The following MPPED2 variants were observed in gnomAD, a reference collection of about 807,000 sequenced individuals.
MPPED2 encodes the protein metallophosphoesterase MPPED2.
MPPED2 carries 5 observed loss-of-function variants against 33.0 expected under a neutral mutation model. The observed-to-expected ratio is 0.15, with a 90% CI of 0.08 to 0.32. The LOEUF (loss-of-function observed/expected upper bound fraction) is 0.32, where lower values mean the gene tolerates loss of function less well. Among genes scored for constraint, MPPED2 ranks in the 10% least tolerant of loss-of-function variants. The probability of loss-of-function intolerance (pLI) is 1.00; values close to 1 mark genes in which losing one functional copy is unlikely to be tolerated. For synonymous variants in MPPED2, 136 were observed against 141.9 expected, an observed-to-expected ratio of 0.96 and a Z score of 0.29; for missense variants, 275 against 372.1, an observed-to-expected ratio of 0.74 and a Z score of 2.15.
chr11:30,548,780 A>G (rs1409832818), intron 2 of MPPED2, among the ~76,000 whole-genome samples: 2 of 152,206 alleles, frequency 1.3e-5, no homozygotes, highest in Admixed American at 1.3e-4. Flanking sequence ...AGGATCAACA[A>G]AGGTGAGTCA....
intron 4 of MPPED2, among the ~76,000 whole-genome samples, chr11:30,424,232 G>A (rs889762302): frequency 6.6e-6 from 1 of 152,068 alleles, no homozygotes; most frequent in Non-Finnish European, 1.5e-5. Flanking sequence ...TATAATAGGG[G>A]GTGAAGAGAG....
At chr11:30,413,397 G>C (rs1320645699) in intron 6 of MPPED2, among the ~76,000 whole-genome samples, 1 of 152,170 alleles carries the variant, frequency 6.6e-6, no homozygotes, top group African/African-American at 2.4e-5. Context: ...AAATCTGCTA[G>C]GGACAGAAAT....
chr11:30,507,980 T>C (rs759030597), intron 3 of MPPED2, among the ~76,000 whole-genome samples: 42 of 152,166 alleles, frequency 2.8e-4, no homozygotes, highest in Non-Finnish European at 4.3e-4. Context: ...TTTTCATTCC[T>C]TACTCATGGG....
At chr11:30,491,698 T>C (rs1951989378) in intron 4 of MPPED2, among the ~76,000 whole-genome samples, 1 of 152,190 alleles carries the variant, frequency 6.6e-6, no homozygotes, top group Non-Finnish European at 1.5e-5. Flanking sequence ...GTGGTAAAGA[T>C]GGCAAATACT....
intron 5 of MPPED2, among the ~76,000 whole-genome samples, chr11:30,414,831 C>T (rs1948271540): frequency 1.3e-5 from 2 of 152,176 alleles, no homozygotes; most frequent in South Asian, 2.1e-4. Flanking sequence ...CTTGTGGTTC[C>T]GGATGACCAA....
chr11:30,436,050 C>CTTTTTTTTTTTTT (rs71060449), intron 4 of MPPED2, among the ~76,000 whole-genome samples: 1 of 108,460 alleles, frequency 9.2e-6, no homozygotes, highest in Non-Finnish European at 1.8e-5. Flanking sequence ...AGTTTAGCAT[C>CTTTTTTTTTTTTT]TTTTTTTTTT....
At chr11:30,421,961 AAGC>A (rs1223337604) in intron 4 of MPPED2, among the ~76,000 whole-genome samples, 4 of 152,158 alleles carry the variant, frequency 2.6e-5, no homozygotes, top group Non-Finnish European at 5.9e-5. Flanking sequence ...GCAATGGAAA[AAGC>A]AGCCCACTGA....
At chr11:30,454,043 T>C (rs1477354037) in intron 4 of MPPED2, among the ~76,000 whole-genome samples, 4 of 152,240 alleles carry the variant, frequency 2.6e-5, no homozygotes, top group African/African-American at 9.6e-5. Context: ...CCTTGTTTCA[T>C]GCATTCCTCT....
intron 4 of MPPED2, among the ~76,000 whole-genome samples, chr11:30,441,625 C>A (rs918871367): frequency 6.6e-6 from 1 of 152,192 alleles, no homozygotes; most frequent in Admixed American, 6.5e-5. Flanking sequence ...GTGGTTTAGG[C>A]TCATATTTCT....
intron 2 of MPPED2, among the ~76,000 whole-genome samples, chr11:30,550,569 T>TG (rs1955658858): frequency 6.6e-6 from 1 of 152,060 alleles, no homozygotes; most frequent in Admixed American, 6.5e-5. Context: ...GCCTGAAGGG[T>TG]ATGGACAAGT....
chr11:30,511,629 G>T (rs944177716), intron 3 of MPPED2, among the ~76,000 whole-genome samples: 1 of 151,456 alleles, frequency 6.6e-6, no homozygotes, highest in Non-Finnish European at 1.5e-5. Flanking sequence ...ATGTGCACGT[G>T]CACACACACA....
At chr11:30,481,170 C>T (rs1228495754) in intron 4 of MPPED2, among the ~76,000 whole-genome samples, 3 of 152,026 alleles carry the variant, frequency 2.0e-5, no homozygotes, top group Middle Eastern at 3.2e-3. Flanking sequence ...AATAGGCGAC[C>T]TTTCCTTGAC....
chr11:30,572,298 C>T (rs1267466289), intron 2 of MPPED2, among the ~76,000 whole-genome samples: 5 of 152,080 alleles, frequency 3.3e-5, no homozygotes, highest in Admixed American at 2.0e-4. Context: ...TTTTAGATTG[C>T]TTCTTTAATG....
intron 2 of MPPED2, among the ~76,000 whole-genome samples, chr11:30,572,073 T>A (rs1229692841): frequency 6.6e-6 from 1 of 152,182 alleles, no homozygotes; most frequent in South Asian, 2.1e-4. Context: ...GCTTTCTCTA[T>A]GAGTCGTTCT....
rs1948083636 is a variant in MPPED2, at chr11:30,411,036, C to T, written c.*432G>A. 2.0e-6 allele frequency: 2 copies of T among 985,902 alleles called. No homozygotes were observed. The highest frequency in any genetic ancestry group is 2.4e-6 in the Non-Finnish European group (2 of 829,994). 61.1% of individuals were successfully genotyped at this position (985,902 alleles called of 1,614,324 possible). On this transcript the variant is annotated 3_prime_UTR_variant, in exon 7 of 7. Coordinates refer to ENST00000358117, the MANE Select transcript of MPPED2 (RefSeq NM_001584.3). ...AGAAGCATTACCAAGAAAACAACAA[C>T]AACAAAACATTGAAAATTAAAATAT...
chr11:30,487,544 T>A (rs1366315052), intron 4 of MPPED2, among the ~76,000 whole-genome samples: 3 of 152,108 alleles, frequency 2.0e-5, no homozygotes, highest in Non-Finnish European at 2.9e-5. Context: ...TGCAGGGGTG[T>A]GCTCACGGCT....
At chr11:30,578,950 T>C (rs1957044160) in intron 2 of MPPED2, among the ~76,000 whole-genome samples, 1 of 151,784 alleles carries the variant, frequency 6.6e-6, no homozygotes, top group South Asian at 2.1e-4. Context: ...AAAGAACGTA[T>C]AAAGTTCTTT....
intron 2 of MPPED2, 36 bp from the exon 3 acceptor site, chr11:30,536,211 C>T: frequency 6.8e-7 from 1 of 1,471,808 alleles, no homozygotes; most frequent in Non-Finnish European, 9.0e-7. Context: ...AACAGTTAAA[C>T]ATATTAGAAC....
chr11:30,414,131 A>G (rs1003115380), intron 6 of MPPED2, 97 bp downstream of exon 6: 2 of 804,744 alleles, frequency 2.5e-6, no homozygotes, highest in African/African-American at 1.7e-5. Flanking sequence ...CCCGCTGCTA[A>G]AAAGTTTGAA....
Sources: gnomAD v4.1 joint callset for allele counts (sites outside exome capture counted in the v4.1 genomes callset) on GRCh38, gnomAD v4.1.1 for gene constraint, MANE v1.5 for transcripts, NCBI Gene and HGNC (gene_info 2026-07-23, HGNC 2026-07-21) for gene names.